SVEP1: variants seen among roughly 807,000 people sequenced by gnomAD.
SVEP1 encodes sushi, von Willebrand factor type A, EGF and pentraxin domain containing 1.
Under a neutral mutation model 367.3 loss-of-function variants are expected in SVEP1, and 164 were observed. The observed-to-expected ratio is 0.45, with a 90% CI of 0.39 to 0.51. SVEP1 has a LOEUF of 0.51. SVEP1 is among the 20% of genes least tolerant of loss of function. SVEP1 has a pLI of 0.00. For missense variants in SVEP1, 4,117 were observed against 4,425.3 expected (o/e 0.93, Z 1.98); for synonymous variants, 1,666 against 1,611.6 (o/e 1.03, Z -0.81).
At chr9:110,530,400 T>C (rs771567635) in intron 3 of SVEP1, among the ~76,000 whole-genome samples, 4 of 152,158 alleles carry the variant, frequency 2.6e-5, no homozygotes, top group Admixed American at 6.6e-5. Flanking sequence ...TGACTACCCA[T>C]TGCTTTACGG....
chr9:110,468,551 C>T (rs1828971926), intron 17 of SVEP1, among the ~76,000 whole-genome samples: 1 of 152,200 alleles, frequency 6.6e-6, no homozygotes, highest in Non-Finnish European at 1.5e-5. Context: ...GTAAAACCCT[C>T]ATGTGAGAAA....
chr9:110,394,636 C>T (rs1827727875), intron 40 of SVEP1, among the ~76,000 whole-genome samples: 2 of 152,150 alleles, frequency 1.3e-5, no homozygotes, highest in African/African-American at 2.4e-5. Context: ...ACTAGAATAA[C>T]CAATGCAGAG....
chr9:110,450,531 G>A lies in SVEP1; in HGVS notation c.3902-271C>T, dbSNP rs147630216. Among the ~76,000 whole-genome samples the A allele has an allele frequency of 7.4e-3, 1,088 of 146,272 alleles. 10 individuals carry two copies. The highest frequency in any genetic ancestry group is 9.0e-3 in the Non-Finnish European group (605 of 67,044). On this transcript the variant is annotated intron_variant, in intron 23 of 47. Transcript: ENST00000374469. ...CTCTCCCAGTCTGGAGTACAGTGGC[G>A]CGATCTCGGCTCACTGCAACTTTCA...
Position 110,572,789 on chromosome 9 carries a change from C to CAAAAAAAAAAAAAAAAAAAAAAAA in SVEP1, c.531+6200_531+6223dup, listed in dbSNP as rs56077443. 6.5e-4 allele frequency among the ~76,000 whole-genome samples: 50 copies of CAAAAAAAAAAAAAAAAAAAAAAAA among 76,522 alleles called. 1 individual carries two copies. Among genetic ancestry groups the CAAAAAAAAAAAAAAAAAAAAAAAA allele is most frequent in the Non-Finnish European group, 1.0e-3 (41 of 40,366 alleles). The allele number at this position is 76,522 out of a possible 152,430, so 50.2% of individuals were successfully genotyped here. A position where few individuals can be genotyped will look rare whatever the true frequency, so the allele number is the denominator to read the frequency against. ...AGAGGGTGACCCTCTCTCTCTCTCA[C>CAAAAAAAAAAAAAAAAAAAAAAAA]AAAAAAAAAAAAAAAAAAAAAAAAA... On this transcript the variant is annotated intron_variant, in intron 1 of 47. Coordinates refer to ENST00000374469, the MANE Select transcript of SVEP1 (RefSeq NM_153366.4).
At chr9:110,374,611 C>T (rs1331763329) in intron 46 of SVEP1, among the ~76,000 whole-genome samples, 2 of 152,172 alleles carry the variant, frequency 1.3e-5, no homozygotes, top group Non-Finnish European at 2.9e-5. Flanking sequence ...GATTGCGCCA[C>T]TGCAGTCCAG....
At chr9:110,489,886 A>G in intron 8 of SVEP1, 107 bp from the exon 9 acceptor site, 1 of 1,343,834 alleles carries the variant, frequency 7.4e-7, no homozygotes, top group South Asian at 1.9e-5. Flanking sequence ...TATTTCACAA[A>G]GAGGAAAGGA....
intron 27 of SVEP1, among the ~76,000 whole-genome samples, chr9:110,437,704 A>G (rs946673581): frequency 5.3e-5 from 8 of 151,948 alleles, no homozygotes; most frequent in South Asian, 2.1e-4. Flanking sequence ...TAACTTCTTT[A>G]GTGGTGATTT....
chr9:110,394,224 G>A (rs575029742), intron 40 of SVEP1, among the ~76,000 whole-genome samples: 168 of 152,086 alleles, frequency 1.1e-3, no homozygotes, highest in African/African-American at 3.5e-3. Flanking sequence ...TGCACCCTCT[G>A]CTGCTGATAC....
At position 110,579,371 on chromosome 9, in the gene SVEP1, C is replaced by G; in HGVS notation, c.173G>C (p.Gly58Ala). The G allele has an allele frequency of 1.3e-6, 2 of 1,560,688 alleles. No homozygotes were observed. The highest frequency in any genetic ancestry group is 1.7e-6 in the Non-Finnish European group (2 of 1,153,656). Residue 58 changes from glycine (G) to alanine (A), a missense_variant, in exon 1 of 48, where the codon GGG becomes GCG. This residue lies in a region of SVEP1 where 161 missense variants were observed against 122.4 expected (regional missense o/e 1.32). Coordinates refer to ENST00000374469, the MANE Select transcript of SVEP1 (RefSeq NM_153366.4). This position sits in a 1 kb window ranked among gnomAD's most constrained non-coding sequence, Gnocchi z 5.3. ...CTGGCCCAGCCGCTCCACTCTGCTCCCCGCCGCTTCGTCGCCAGGAGCGGG... is the reference window on the plus strand; with the variant it reads ...CTGGCCCAGCCGCTCCACTCTGCTCGCCGCCGCTTCGTCGCCAGGAGCGGG... ...APPAPGDEAA[G>A]SRVERLGQAF...
At chr9:110,481,158 G>T (rs1999598) in intron 12 of SVEP1, 84 bp downstream of exon 12, 2 of 1,063,348 alleles carry the variant, frequency 1.9e-6, no homozygotes, top group Admixed American at 7.6e-5. Flanking sequence ...AATTCCTATC[G>T]TAAGGCAATT....
chr9:110,453,648 A>T (rs1003069234), intron 22 of SVEP1, among the ~76,000 whole-genome samples: 2 of 152,100 alleles, frequency 1.3e-5, no homozygotes, highest in African/African-American at 4.8e-5. Context: ...TGGGTGGATC[A>T]CTTGAGGTCA....
chr9:110,498,521 T>C (rs1300543852), intron 7 of SVEP1, among the ~76,000 whole-genome samples: 1 of 152,232 alleles, frequency 6.6e-6, no homozygotes, highest in Non-Finnish European at 1.5e-5. Context: ...AAATTACTAA[T>C]ATAGTTTTCA....
intron 5 of SVEP1, among the ~76,000 whole-genome samples, chr9:110,510,293 T>A (rs1829687631): frequency 6.6e-6 from 1 of 152,224 alleles, no homozygotes; most frequent in Non-Finnish European, 1.5e-5. Flanking sequence ...TGTCAAGAAC[T>A]CCTCTGATCC....
chr9:110,504,927 T>C (rs1191918368), intron 5 of SVEP1, among the ~76,000 whole-genome samples: 1 of 152,158 alleles, frequency 6.6e-6, no homozygotes, highest in Admixed American at 6.5e-5. Context: ...AGGAGCACAT[T>C]TCCCCGGCCA....
Position 110,482,358 on chromosome 9 carries a change from T to C in SVEP1, c.2170+3A>G, listed in dbSNP as rs1392641093. ...GAATTCTGGGGACTTATGAAGACAA[T>C]ACCTTTTATGACAATATGGATATCA... On this transcript the variant is annotated splice_donor_region_variant and intron_variant, in intron 11 of 47. Transcript: ENST00000374469. The C allele has an allele frequency of 6.2e-7, 1 of 1,610,846 alleles. No homozygotes were observed. The highest frequency in any genetic ancestry group is 2.2e-5 in the East Asian group (1 of 44,774).
chr9:110,406,841 C>T lies in SVEP1; in HGVS notation c.8759G>A (p.Gly2920Asp), dbSNP rs749453603. The T allele has an allele frequency of 2.0e-5, 33 of 1,613,856 alleles. No homozygotes were observed. The South Asian group carries it at 3.5e-4, about 17-fold the overall frequency. ...MKEVTFHCHE[G>D]YILHGAPKLT... is the part of the protein sequence containing the mutation. ...TTTTGGAGCACCGTGCAAGATGTAG[C>T]CCTCGTGACAGTGGAATGTTACTTC... Residue 2920 changes from glycine to aspartate, a missense_variant, in exon 38 of 48, where the codon GGC becomes GAC. Coordinates refer to ENST00000374469, the MANE Select transcript of SVEP1 (RefSeq NM_153366.4).
intron 3 of SVEP1, among the ~76,000 whole-genome samples, chr9:110,525,971 C>T (rs922502699): frequency 2.0e-5 from 3 of 151,998 alleles, no homozygotes; most frequent in African/African-American, 7.2e-5. Context: ...GGTTTTGAAA[C>T]AATCAGACAT....
Position 110,472,267 on chromosome 9 carries a change from C to T in SVEP1, c.2656G>A (p.Asp886Asn), listed in dbSNP as rs760547627. 4 of 1,612,114 alleles carry T rather than the reference C, an allele frequency of 2.5e-6. No homozygotes were observed. The Admixed American group carries it at 5.1e-5, about 20-fold the overall frequency. The part of the protein sequence containing the change: ...RLDYSYDDFL[D>N]TVQETATSIG... Reference sequence around the variant, plus strand: ...CTTGTGGCTGTTTCTTGCACAGTGTCCAGGAAGTCATCGTAAGAGTAATCC... The same window carrying T: ...CTTGTGGCTGTTTCTTGCACAGTGTTCAGGAAGTCATCGTAAGAGTAATCC... Residue 886 changes from aspartate (D) to asparagine (N), a missense_variant, in exon 15 of 48, where the codon GAC becomes AAC. Physicochemically the swap from Asp to Asn is conservative, Grantham distance 23. Around this residue, in one of 4 missense-constraint regions of SVEP1, gnomAD observed 2,174 missense variants for 2,494.3 expected, o/e 0.87. Coordinates refer to ENST00000374469, the MANE Select transcript of SVEP1 (RefSeq NM_153366.4).
intron 42 of SVEP1, among the ~76,000 whole-genome samples, chr9:110,386,812 A>G (rs1827531149): frequency 6.6e-6 from 1 of 152,260 alleles, no homozygotes; most frequent in Non-Finnish European, 1.5e-5. Flanking sequence ...TGAAACAGTT[A>G]ACAAGAGCAG....
Sources: gnomAD v4.1 joint callset for allele counts (sites outside exome capture counted in the v4.1 genomes callset) on GRCh38, gnomAD v4.1.1 for gene constraint, gnomAD v4.1.1 regional missense constraint, Gnocchi (gnomAD v3.1) non-coding constraint, MANE v1.5 for transcripts, NCBI Gene and HGNC (gene_info 2026-07-23, HGNC 2026-07-21) for gene names.